The following CLDN1 variants were observed in gnomAD, a reference collection of about 807,000 sequenced individuals.
CLDN1 encodes claudin 1, also known as claudin-1.
A neutral mutation model predicts 22.6 loss-of-function variants in CLDN1; 12 were observed. That is an observed-to-expected ratio of 0.53 (90% confidence interval 0.34 to 0.86). The LOEUF is 0.86. Ranked by LOEUF, CLDN1 falls within the 40% of genes least tolerant of loss-of-function variation. The pLI is 0.02. For missense variants in CLDN1, 250 were observed against 269.5 expected (o/e 0.93, Z 0.51); for synonymous variants, 99 against 103.8 (o/e 0.95, Z 0.28).
rs142778400 is a variant in CLDN1, at chr3:190,310,163, C to T, written c.473+6G>A. On this transcript the variant is annotated splice_donor_region_variant and intron_variant, in intron 3 of 3. Coordinates refer to ENST00000295522, the MANE Select transcript of CLDN1 (RefSeq NM_021101.5). ...AACAAACTATTTTACGCCTGAATAG[C>T]GTTACCTGGCATTGACTGGGGTCAT... 586 of 1,610,712 alleles carry T rather than the reference C, an allele frequency of 3.6e-4. 4 individuals carry two copies. In the African/African-American group the frequency reaches 4.7e-3, roughly 13 times the overall value.
At chr3:190,318,771 A>C (rs1470203352) in intron 1 of CLDN1, among the ~76,000 whole-genome samples, 2 of 152,210 alleles carry the variant, frequency 1.3e-5, no homozygotes, top group African/African-American at 4.8e-5. Flanking sequence ...AGAAGCATAA[A>C]TAGGTGCCCT....
At chr3:190,314,642 G>C (rs936182335) in intron 1 of CLDN1, among the ~76,000 whole-genome samples, 1 of 151,826 alleles carries the variant, frequency 6.6e-6, no homozygotes, top group Non-Finnish European at 1.5e-5. Flanking sequence ...GAGTTCAGGT[G>C]GTCTGCCCAC....
chr3:190,311,862 T>C (rs1716629842), intron 2 of CLDN1, among the ~76,000 whole-genome samples: 1 of 151,978 alleles, frequency 6.6e-6, no homozygotes, highest in Non-Finnish European at 1.5e-5. Context: ...AATAATGCTG[T>C]CCATGTTTTC....
chr3:190,312,842 A>C (rs1716659363), intron 2 of CLDN1, 30 bp downstream of exon 2: 3 of 1,610,908 alleles, frequency 1.9e-6, no homozygotes, highest in Non-Finnish European at 2.5e-6. Context: ...ACAGGTTAGT[A>C]AGGTGAAAGG....
intron 1 of CLDN1, among the ~76,000 whole-genome samples, chr3:190,321,637 A>G (rs1716924279): frequency 6.6e-6 from 1 of 152,112 alleles, no homozygotes. Context: ...CCAATCCTCA[A>G]TTTACCCCAA....
intron 2 of CLDN1, 146 bp downstream of exon 2, chr3:190,312,726 A>G: frequency 1.2e-6 from 1 of 854,404 alleles, no homozygotes; most frequent in Non-Finnish European, 1.9e-6. Flanking sequence ...TTTGTGTTTG[A>G]GAACATGAAA....
rs1716451114 is a variant in CLDN1, at chr3:190,306,327, C to T, written c.*1950G>A. On this transcript the variant is annotated 3_prime_UTR_variant, in exon 4 of 4. Transcript: ENST00000295522. ...CAGAATCTTATTTGTTTAGTGCACT[C>T]AATTTTACTTCACTGTCTCATCACT... 1 of 152,236 alleles carries T rather than the reference C, an allele frequency of 6.6e-6. No homozygotes were observed. The highest frequency in any genetic ancestry group is 6.5e-5 in the Admixed American group (1 of 15,270). 9.4% of individuals were successfully genotyped at this position (152,236 alleles called of 1,614,324 possible).
intron 1 of CLDN1, among the ~76,000 whole-genome samples, chr3:190,314,724 A>G (rs1394578656): frequency 6.6e-6 from 1 of 152,166 alleles, no homozygotes; most frequent in Non-Finnish European, 1.5e-5. Flanking sequence ...TCTAAAAAGT[A>G]TCAAAGGTAT....
chr3:190,315,434 T>C (rs957900188), intron 1 of CLDN1, among the ~76,000 whole-genome samples: 4 of 152,170 alleles, frequency 2.6e-5, no homozygotes, highest in South Asian at 4.1e-4. Flanking sequence ...GCATATGTCA[T>C]GCAGAACTTC....
rs1489254925 is a variant in CLDN1, at chr3:190,306,168, TTA to T, written c.*2107_*2108del. 1.3e-5 allele frequency: 2 copies of T among 152,222 alleles called. No homozygotes were observed. The highest frequency in any genetic ancestry group is 2.4e-5 in the African/African-American group (1 of 41,450). 9.4% of individuals were successfully genotyped at this position (152,222 alleles called of 1,614,324 possible). On this transcript the variant is annotated 3_prime_UTR_variant, in exon 4 of 4. Transcript: ENST00000295522. ...AGGGCATCACTGAACAGATAGCACC[TTA>T]TGAGTTATTATGATTCAAAAATCTC...
chr3:190,313,119 G>A (rs546709387), intron 1 of CLDN1, 83 bp from the exon 2 acceptor site: 2 of 1,510,474 alleles, frequency 1.3e-6, no homozygotes, highest in African/African-American at 1.4e-5. Flanking sequence ...ATATGTCACT[G>A]TTGTATGGAA....
chr3:190,320,074 G>T (rs1285701965), intron 1 of CLDN1, among the ~76,000 whole-genome samples: 1 of 115,318 alleles, frequency 8.7e-6, no homozygotes, highest in Non-Finnish European at 1.8e-5. Flanking sequence ...AAGTGTGTGT[G>T]GGGGGGTAGG....
At chr3:190,318,782 C>T (rs1716837901) in intron 1 of CLDN1, among the ~76,000 whole-genome samples, 2 of 152,216 alleles carry the variant, frequency 1.3e-5, no homozygotes, top group African/African-American at 2.4e-5. Context: ...TAGGTGCCCT[C>T]CTCTCCACTT....
chr3:190,312,556 T>A (rs1364064879), intron 2 of CLDN1, among the ~76,000 whole-genome samples: 1 of 152,220 alleles, frequency 6.6e-6, no homozygotes, highest in Non-Finnish European at 1.5e-5. Flanking sequence ...GGAGACACCA[T>A]AGGAATTATC....
chr3:190,310,473 CT>C (rs1314119531), intron 2 of CLDN1, among the ~76,000 whole-genome samples: 1 of 152,066 alleles, frequency 6.6e-6, no homozygotes, highest in South Asian at 2.1e-4. Flanking sequence ...AAAATTTATA[CT>C]TTTTTATGAT....
rs1716439995 is a variant in CLDN1 at position 190,305,973 on chromosome 3, T to G, written c.*2304A>C. ...TATGTGGCAAAAGCCATTTAAATTT[T>G]AACTTCCAAAAGCATATATTCTCAG... On this transcript the variant is annotated 3_prime_UTR_variant, in exon 4 of 4. Coordinates refer to ENST00000295522, the MANE Select transcript of CLDN1 (RefSeq NM_021101.5). 6.6e-6 allele frequency: 1 copy of G among 152,220 alleles called. No homozygotes were observed. The allele number at this position is 152,220 out of a possible 1,614,324, so 9.4% of individuals were successfully genotyped here. A position where few individuals can be genotyped will look rare whatever the true frequency, so the allele number is the denominator to read the frequency against.
chr3:190,308,325 T>A lies in CLDN1; in HGVS notation c.588A>T (p.Pro196=), dbSNP rs1475430447. 3.1e-6 allele frequency: 5 copies of A among 1,613,682 alleles called. No individual in the cohort carries two copies. Among genetic ancestry groups the A allele is most frequent in the Non-Finnish European group, 4.2e-6 (5 of 1,179,830 alleles). The change falls in exon 4 of 4, where the codon CCA becomes CCT. Residue 196 remains proline, a synonymous_variant. Coordinates refer to ENST00000295522, the MANE Select transcript of CLDN1 (RefSeq NM_021101.5). The stretch of plus-strand genomic sequence containing the variant: ...AAGGTGCAGGTTTTGGATAGGGCCT[T>A]GGTGTTGGGTAAGAGGTTGTTTTTC... The part of the protein sequence containing the change: ...CPRKTTSYPT[P]RPYPKPAPSS...
At chr3:190,318,469 G>A (rs563242021) in intron 1 of CLDN1, among the ~76,000 whole-genome samples, 1 of 152,140 alleles carries the variant, frequency 6.6e-6, no homozygotes, top group African/African-American at 2.4e-5. Context: ...ATAGGGCCTA[G>A]CTTGCATCTG....
chr3:190,311,762 A>G (rs1202413219), intron 2 of CLDN1, among the ~76,000 whole-genome samples: 2 of 151,266 alleles, frequency 1.3e-5, no homozygotes, highest in Admixed American at 6.6e-5. Flanking sequence ...ATATATATAC[A>G]CACAGAGAGA....
Sources: gnomAD v4.1 joint callset for allele counts (sites outside exome capture counted in the v4.1 genomes callset) on GRCh38, gnomAD v4.1.1 for gene constraint, MANE v1.5 for transcripts, NCBI Gene and HGNC (gene_info 2026-07-23, HGNC 2026-07-21) for gene names.